Variants in KYNU observed in about 807,000 individuals in gnomAD.
The protein encoded by KYNU is L-kynurenine hydrolase.
In KYNU, 54 loss-of-function variants were observed where a neutral mutation model predicts 59.2. The ratio of observed to expected loss-of-function variants is 0.91; its 90% CI spans 0.73 to 1.14. The LOEUF is 1.14. KYNU is among the 50% of genes most tolerant of loss of function. The pLI is 0.00. For synonymous variants in KYNU, 177 were observed against 192.0 expected (o/e 0.92, Z 0.65); for missense variants, 567 against 554.4 (o/e 1.02, Z -0.23).
At chr2:142,901,869 G>A (rs1682101291) in intron 2 of KYNU, among the ~76,000 whole-genome samples, 1 of 152,046 alleles carries the variant, frequency 6.6e-6, no homozygotes, top group South Asian at 2.1e-4. Flanking sequence ...GTTGAGTTAG[G>A]GATTAGTCAA....
At chr2:142,943,007 G>A (rs1683651347) in intron 4 of KYNU, among the ~76,000 whole-genome samples, 1 of 152,180 alleles carries the variant, frequency 6.6e-6, no homozygotes, top group Admixed American at 6.5e-5. Context: ...GCCTCTTAAT[G>A]TACATGCTTG....
chr2:142,918,394 C>T (rs980348541), intron 2 of KYNU, among the ~76,000 whole-genome samples: 1 of 151,972 alleles, frequency 6.6e-6, no homozygotes, highest in Non-Finnish European at 1.5e-5. Flanking sequence ...ATGAGAGATC[C>T]TCATAATAGC....
chr2:142,890,625 G>A (rs1011528040), intron 2 of KYNU, among the ~76,000 whole-genome samples: 18 of 152,156 alleles, frequency 1.2e-4, no homozygotes, highest in Admixed American at 2.6e-4. Context: ...CTACAGGTGC[G>A]TGCCACCATG....
At chr2:142,981,106 C>T (rs1381424099) in intron 8 of KYNU, among the ~76,000 whole-genome samples, 1 of 152,070 alleles carries the variant, frequency 6.6e-6, no homozygotes, top group Non-Finnish European at 1.5e-5. Context: ...GAAATAATTA[C>T]AAATGCATTA....
chr2:143,051,084 T>C lies in KYNU; in HGVS notation c.*8912T>C, dbSNP rs1243154732. Reference sequence around the variant, plus strand: ...CAAGATTTAGTCTCAAATAACACAATAATAATGGAGGTCATTGTGAAGTAG... The same window carrying C: ...CAAGATTTAGTCTCAAATAACACAACAATAATGGAGGTCATTGTGAAGTAG... On this transcript the variant is annotated 3_prime_UTR_variant, in exon 14 of 14. Coordinates refer to ENST00000264170, the MANE Select transcript of KYNU (RefSeq NM_003937.3). 6.6e-6 allele frequency: 1 copy of C among 152,210 alleles called. No homozygotes were observed. Among genetic ancestry groups the C allele is most frequent in the Non-Finnish European group, 1.5e-5 (1 of 68,030 alleles). The allele number at this position is 152,210 out of a possible 1,614,324, so 9.4% of individuals were successfully genotyped here.
chr2:142,892,594 T>G (rs1319631729), intron 2 of KYNU, among the ~76,000 whole-genome samples: 1 of 152,100 alleles, frequency 6.6e-6, no homozygotes, highest in African/African-American at 2.4e-5. Context: ...TACCTAACAG[T>G]AAGTCTGAAG....
At chr2:142,944,109 C>A (rs558920671) in intron 4 of KYNU, among the ~76,000 whole-genome samples, 2 of 152,250 alleles carry the variant, frequency 1.3e-5, no homozygotes, top group East Asian at 3.9e-4. Context: ...ATGCTTTAAC[C>A]CTGAAAGAAC....
chr2:143,023,680 G>A (rs996808990), intron 10 of KYNU, among the ~76,000 whole-genome samples: 2 of 151,740 alleles, frequency 1.3e-5, no homozygotes, highest in African/African-American at 4.8e-5. Context: ...AACAGATTAG[G>A]TAGAAGGAAG....
rs764440203 is a variant in KYNU at position 142,918,704 on chromosome 2, G to C, written c.265G>C (p.Glu89Gln). 6.2e-7 allele frequency: 1 copy of C among 1,611,690 alleles called. No homozygotes were observed. Among genetic ancestry groups the C allele is most frequent in the Non-Finnish European group, 8.5e-7 (1 of 1,178,902 alleles). The change falls in exon 3 of 14, where the codon GAA becomes CAA. Residue 89 changes from glutamate to glutamine, a missense_variant. Physicochemically the swap from Glu to Gln is conservative, Grantham distance 29. Transcript: ENST00000264170. Reference protein sequence around the residue: ...QPKMVKTYLEEELDKWAKIAA... With the variant: ...QPKMVKTYLEQELDKWAKIAA... ...AAAAATGGTTAAAACATATCTTGAA[G>C]AAGAACTAGATAAGTGGGCCAAAAT...
In KYNU at chr2:143,040,639, T is replaced by A. The variant is rs1347289337; in HGVS notation, c.1253T>A (p.Leu418Gln). The A allele has an allele frequency of 4.4e-6, 7 of 1,601,768 alleles. No individual in the cohort carries two copies. In the Admixed American group the frequency reaches 6.9e-5, roughly 16 times the overall value. The stretch of plus-strand genomic sequence containing the variant: ...CCAAACAAAGATGTTTTCCAAGAAC[T>A]AGAAAAAAGAGGAGTGGTTGTAAGT... ...SVPNKDVFQE[L>Q]EKRGVVCDKR... The change falls in exon 13 of 14, where the codon CTA (leucine) becomes CAA (glutamine). Residue 418 changes from leucine (L) to glutamine (Q), a missense_variant. Leu to Gln is a moderately radical substitution (Grantham distance 113, BLOSUM62 -2). Coordinates refer to ENST00000264170, the MANE Select transcript of KYNU (RefSeq NM_003937.3).
intron 2 of KYNU, among the ~76,000 whole-genome samples, chr2:142,912,948 G>A (rs553761900): frequency 1.3e-5 from 2 of 150,050 alleles, no homozygotes; most frequent in Non-Finnish European, 3.0e-5. Context: ...TCCTGACCTC[G>A]TGATCCATCC....
chr2:142,955,542 T>A (rs1328819426), intron 5 of KYNU, among the ~76,000 whole-genome samples: 5 of 152,024 alleles, frequency 3.3e-5, no homozygotes, highest in Non-Finnish European at 7.4e-5. Context: ...TTATTTGAGG[T>A]TGAAAAAGGC....
At chr2:142,949,927 A>G (rs1683932007) in intron 4 of KYNU, among the ~76,000 whole-genome samples, 1 of 152,164 alleles carries the variant, frequency 6.6e-6, no homozygotes, top group African/African-American at 2.4e-5. Flanking sequence ...ACAGTACCCA[A>G]GTCACATCTT....
chr2:142,952,716 C>T (rs150176363), intron 4 of KYNU, among the ~76,000 whole-genome samples: 298 of 152,250 alleles, frequency 2.0e-3, no homozygotes, highest in African/African-American at 6.9e-3. Flanking sequence ...CCATTTTAAT[C>T]AGAATATAAT....
intron 4 of KYNU, among the ~76,000 whole-genome samples, chr2:142,937,380 A>C (rs1034043674): frequency 3.9e-5 from 6 of 152,036 alleles, no homozygotes; most frequent in Non-Finnish European, 7.4e-5. Flanking sequence ...GGACAAGTCT[A>C]CTCTGTTATC....
intron 11 of KYNU, among the ~76,000 whole-genome samples, chr2:143,030,423 G>T (rs913918520): frequency 2.6e-5 from 4 of 152,164 alleles, no homozygotes; most frequent in African/African-American, 9.7e-5. Flanking sequence ...TGATCCTTCA[G>T]ATTGCTTTAA....
chr2:142,879,718 C>CT (rs1285558293), intron 1 of KYNU: 2 of 152,236 alleles, frequency 1.3e-5, no homozygotes, highest in African/African-American at 2.4e-5. Flanking sequence ...CTGGTTTCTA[C>CT]TCTGTCTGTG....
At chr2:142,930,413 G>A (rs1182000787) in intron 4 of KYNU, among the ~76,000 whole-genome samples, 1 of 152,152 alleles carries the variant, frequency 6.6e-6, no homozygotes, top group Non-Finnish European at 1.5e-5. Context: ...TCCAGAAAAG[G>A]GAGGAGAAAG....
Position 142,918,694 on chromosome 2 carries a change from A to AT in KYNU, c.256dup (p.Tyr86LeufsTer3), listed in dbSNP as rs550079487. On this transcript the variant is annotated frameshift_variant, in exon 3 of 14. Coordinates refer to ENST00000264170, the MANE Select transcript of KYNU (RefSeq NM_003937.3). LOFTEE classifies it high-confidence loss of function. ...GCCTTCAACCAAAAATGGTTAAAAC[A>AT]TATCTTGAAGAAGAACTAGATAAGT... The AT allele has an allele frequency of 1.6e-4, 254 of 1,612,620 alleles. No individual in the cohort carries two copies. The highest frequency in any genetic ancestry group is 2.1e-4 in the Non-Finnish European group (250 of 1,179,312).
Sources: allele counts gnomAD v4.1 joint callset (sites outside exome capture counted in the v4.1 genomes callset), GRCh38; gene constraint gnomAD v4.1.1; transcripts MANE v1.5; gene names NCBI Gene and HGNC (gene_info 2026-07-23, HGNC 2026-07-21).